Variants in PGR observed in about 807,000 individuals in gnomAD.
PGR encodes nuclear receptor subfamily 3 group C member 3.
A neutral mutation model predicts 76.1 loss-of-function variants in PGR; 25 were observed. The observed-to-expected ratio is 0.33, with a 90% CI of 0.24 to 0.46. The LOEUF (loss-of-function observed/expected upper bound fraction) is 0.46, where lower values mean the gene tolerates loss of function less well. Ranked by LOEUF, PGR falls within the 20% of genes least tolerant of loss-of-function variation. The probability of loss-of-function intolerance (pLI) is 1.00; values close to 1 mark genes in which losing one functional copy is unlikely to be tolerated. For missense variants in PGR, 1,172 were observed against 1,225.3 expected (o/e 0.96, Z 0.65); for synonymous variants, 579 against 535.0 (o/e 1.08, Z -1.14).
chr11:101,043,477 C>G (rs1565328560), intron 6 of PGR, among the ~76,000 whole-genome samples: 1 of 152,164 alleles, frequency 6.6e-6, no homozygotes, highest in Non-Finnish European at 1.5e-5. Flanking sequence ...TTCTTCCAAA[C>G]TCTTGTTAAT....
intron 3 of PGR, among the ~76,000 whole-genome samples, chr11:101,089,261 A>G (rs1247839321): frequency 6.6e-6 from 1 of 152,218 alleles, no homozygotes; most frequent in Non-Finnish European, 1.5e-5. Flanking sequence ...ACACATAATC[A>G]TTTATGGTAT....
chr11:101,082,024 T>C (rs1231433580), intron 3 of PGR, among the ~76,000 whole-genome samples: 1 of 152,030 alleles, frequency 6.6e-6, no homozygotes, highest in Non-Finnish European at 1.5e-5. Context: ...TGATGGGAGG[T>C]GATTGGATCA....
At chr11:101,072,351 C>A (rs551319778) in intron 3 of PGR, among the ~76,000 whole-genome samples, 1 of 151,928 alleles carries the variant, frequency 6.6e-6, no homozygotes, top group Non-Finnish European at 1.5e-5. Context: ...AAGGAACAAC[C>A]GGTACCAGCC....
intron 2 of PGR, among the ~76,000 whole-genome samples, chr11:101,117,614 A>C (rs114574675): frequency 6.6e-6 from 1 of 152,080 alleles, no homozygotes; most frequent in African/African-American, 2.4e-5. Flanking sequence ...TTTTCTTCAA[A>C]TAAAAAAAAA....
intron 4 of PGR, among the ~76,000 whole-genome samples, chr11:101,059,469 T>C (rs569771997): frequency 6.6e-6 from 1 of 152,152 alleles, no homozygotes; most frequent in South Asian, 2.1e-4. Flanking sequence ...AAATCACTCA[T>C]TTGCAATGTA....
intron 4 of PGR, among the ~76,000 whole-genome samples, chr11:101,057,458 T>C (rs1860335102): frequency 6.6e-6 from 1 of 152,136 alleles, no homozygotes; most frequent in Non-Finnish European, 1.5e-5. Context: ...ATTGAGGCCA[T>C]GGAGTTTGGA....
intron 6 of PGR, among the ~76,000 whole-genome samples, chr11:101,045,952 G>A (rs572865398): frequency 5.4e-4 from 82 of 151,866 alleles, no homozygotes; most frequent in African/African-American, 2.0e-3. Flanking sequence ...CTAATTTTCT[G>A]GACTACTTCA....
chr11:101,125,081 T>C (rs1294577377), intron 2 of PGR, among the ~76,000 whole-genome samples: 1 of 152,120 alleles, frequency 6.6e-6, no homozygotes, highest in East Asian at 1.9e-4. Flanking sequence ...CCTTGGTTCC[T>C]TGTCTAGGTG....
intron 2 of PGR, among the ~76,000 whole-genome samples, chr11:101,125,611 ATG>A (rs768345976): frequency 6.6e-6 from 1 of 152,210 alleles, no homozygotes; most frequent in African/African-American, 2.4e-5. Flanking sequence ...ACATGTACAT[ATG>A]TGTCAACTAC....
intron 7 of PGR, 194 bp downstream of exon 7, chr11:101,041,751 G>C: frequency 1.8e-6 from 1 of 566,848 alleles, no homozygotes; most frequent in Non-Finnish European, 3.1e-6. Flanking sequence ...ACTTGTAAAA[G>C]AATATTTGAG....
intron 2 of PGR, among the ~76,000 whole-genome samples, chr11:101,103,163 G>A (rs1028696156): frequency 6.6e-6 from 1 of 151,938 alleles, no homozygotes; most frequent in South Asian, 2.1e-4. Context: ...AATAGTTCAA[G>A]GAGTGAAATG....
intron 2 of PGR, among the ~76,000 whole-genome samples, chr11:101,124,690 T>C (rs531328634): frequency 1.3e-5 from 2 of 152,282 alleles, no homozygotes; most frequent in East Asian, 3.9e-4. Context: ...TAACTCCAAT[T>C]ACCCATTGGA....
At chr11:101,119,096 G>A (rs1862595673) in intron 2 of PGR, among the ~76,000 whole-genome samples, 1 of 152,090 alleles carries the variant, frequency 6.6e-6, no homozygotes, top group Non-Finnish European at 1.5e-5. Flanking sequence ...TCACAATAGG[G>A]TTCTCACTCT....
intron 5 of PGR, 107 bp downstream of exon 5, chr11:101,051,314 TGTC>T: frequency 1.4e-6 from 1 of 735,008 alleles, no homozygotes. Flanking sequence ...ATGACAGTAA[TGTC>T]ATCATATCAA....
At chr11:101,066,650 C>G (rs1170593942) in intron 3 of PGR, among the ~76,000 whole-genome samples, 1 of 152,150 alleles carries the variant, frequency 6.6e-6, no homozygotes, top group Non-Finnish European at 1.5e-5. Context: ...ATGTTTAGAG[C>G]AGAACTTTGA....
chr11:101,090,024 C>A lies in PGR; in HGVS notation c.1906+1736G>T, dbSNP rs1466333249. ...AACCAGCCTGGCCAACATGGTGAAA[C>A]CCCATCTCTACTAAAATACAAAAAT... is the stretch of plus-strand genomic sequence containing the variant. On this transcript the variant is annotated intron_variant, in intron 3 of 7. Coordinates refer to ENST00000325455, the MANE Select transcript of PGR (RefSeq NM_000926.4). Among the ~76,000 whole-genome samples the A allele has an allele frequency of 5.3e-5, 8 of 152,220 alleles. No individual in the cohort carries two copies. The East Asian group carries it at 1.2e-3, about 22-fold the overall frequency.
chr11:101,107,044 A>G (rs768013924), intron 2 of PGR, among the ~76,000 whole-genome samples: 43 of 152,126 alleles, frequency 2.8e-4, no homozygotes, highest in Admixed American at 6.6e-5. Context: ...GGGGAACATT[A>G]CATACCTGGG....
intron 2 of PGR, among the ~76,000 whole-genome samples, chr11:101,104,612 G>T (rs542288280): frequency 6.6e-6 from 1 of 151,968 alleles, no homozygotes; most frequent in African/African-American, 2.4e-5. Flanking sequence ...TCTTTATGAC[G>T]ACCAATATGG....
chr11:101,051,600 T>A, intron 4 of PGR, 32 bp from the exon 5 acceptor site: 3 of 1,489,180 alleles, frequency 2.0e-6, no homozygotes, highest in Non-Finnish European at 2.8e-6. Context: ...ACAGTGACCA[T>A]AAAAATGACT....
Sources: gnomAD v4.1 joint callset for allele counts (sites outside exome capture counted in the v4.1 genomes callset) on GRCh38, gnomAD v4.1.1 for gene constraint, MANE v1.5 for transcripts, NCBI Gene and HGNC (gene_info 2026-07-23, HGNC 2026-07-21) for gene names.